ZNF30: variants seen among roughly 807,000 people sequenced by gnomAD.
The protein encoded by ZNF30 is zinc finger protein 30.
In ZNF30, 15 loss-of-function variants were observed where a neutral mutation model predicts 13.2. The observed-to-expected ratio is 1.13, with a 90% CI of 0.76 to 1.75. The LOEUF (loss-of-function observed/expected upper bound fraction) is 1.75. ZNF30 is among the 40% of genes most tolerant of loss of function. The pLI, the probability that ZNF30 is intolerant of heterozygous loss-of-function variation, is 0.00. For missense variants in ZNF30, 726 were observed against 757.0 expected, an observed-to-expected ratio of 0.96 and a Z score of 0.48; for synonymous variants, 223 against 256.6, an observed-to-expected ratio of 0.87 and a Z score of 1.25.
chr19:34,930,427 G>C (rs529344253), intron 2 of ZNF30, among the ~76,000 whole-genome samples: 18 of 152,306 alleles, frequency 1.2e-4, no homozygotes, highest in Admixed American at 9.2e-4. Flanking sequence ...ATTATGATGT[G>C]AAACATTGAT....
chr19:34,928,515 T>C (rs1160683431), intron 1 of ZNF30, among the ~76,000 whole-genome samples: 2 of 151,976 alleles, frequency 1.3e-5, no homozygotes, highest in Non-Finnish European at 2.9e-5. Context: ...AGTTGTTCTA[T>C]TTTATTATTA....
intron 4 of ZNF30, among the ~76,000 whole-genome samples, chr19:34,936,974 G>A (rs1158015696): frequency 6.6e-6 from 1 of 152,096 alleles, no homozygotes; most frequent in Non-Finnish European, 1.5e-5. Flanking sequence ...TCCCTTGAGA[G>A]TCAGTGCAGG....
chr19:34,943,759 T>A lies in ZNF30; in HGVS notation c.793T>A (p.Cys265Ser), dbSNP rs2013175650. 1 of 1,613,650 alleles carries A rather than the reference T, an allele frequency of 6.2e-7. No individual in the cohort carries two copies. The highest frequency in any genetic ancestry group is 1.3e-5 in the African/African-American group (1 of 74,836). ...TGAAAAACCCTTTGGGTGTGAGGAG[T>A]GTGGGAAGGCCTTCAGTACCTTTTC... The part of the protein sequence containing the change: ...TGEKPFGCEE[C>S]GKAFSTFSYL... Residue 265 changes from cysteine (C) to serine (S), a missense_variant, in exon 5 of 5, where the codon TGT (cysteine) becomes AGT (serine). Transcript: ENST00000601142.
At position 34,944,054 on chromosome 19, in the gene ZNF30, A is replaced by G. The variant is rs1219570940; in HGVS notation, c.1088A>G (p.Gln363Arg). 6.2e-7 allele frequency: 1 copy of G among 1,614,008 alleles called. No individual in the cohort carries two copies. Among genetic ancestry groups the G allele is most frequent in the East Asian group, 2.2e-5 (1 of 44,870 alleles). Reference protein sequence around the residue: ...FRLSSFLHAHQRIHAEIKPYG... With the variant: ...FRLSSFLHAHRRIHAEIKPYG... Reference sequence around the variant, plus strand: ...CTTAGTTCCTTCCTTCATGCACATCAGCGAATTCATGCAGAGATAAAGCCC... The same window carrying G: ...CTTAGTTCCTTCCTTCATGCACATCGGCGAATTCATGCAGAGATAAAGCCC... Residue 363 changes from glutamine (Q) to arginine (R), a missense_variant, in exon 5 of 5, where the codon CAG becomes CGG. Physicochemically the swap from Gln to Arg is conservative, Grantham distance 43. Coordinates refer to ENST00000601142, the MANE Select transcript of ZNF30 (RefSeq NM_194325.3).
Position 34,933,701 on chromosome 19 carries a change from A to G in ZNF30, c.234A>G (p.Lys78=). 1 of 1,585,976 alleles carries G rather than the reference A, an allele frequency of 6.3e-7. No individual in the cohort carries two copies. The highest frequency in any genetic ancestry group is 8.6e-7 in the Non-Finnish European group (1 of 1,165,390). ...AAGAGCCTGAAGTGACAGTGAGGAA[A>G]GATGGAAGAAGATGGTGCACAGGTG... ...QWKEPEVTVR[K]DGRRWCTDLQ... Residue 78 remains lysine, a synonymous_variant, in exon 4 of 5, where the codon AAA becomes AAG. Transcript: ENST00000601142.
intron 4 of ZNF30, among the ~76,000 whole-genome samples, chr19:34,934,984 C>T (rs139128730): frequency 0.041 from 6,238 of 152,182 alleles, 437 homozygotes; most frequent in African/African-American, 0.14. Flanking sequence ...AATCCCAGTA[C>T]TTTGGGAGGC....
chr19:34,944,553 G>A lies in ZNF30; in HGVS notation c.1587G>A (p.Gln529=). 3.1e-6 allele frequency: 5 copies of A among 1,614,128 alleles called. No individual in the cohort carries two copies. In the South Asian group the frequency reaches 3.3e-5, roughly 11 times the overall value. The change falls in exon 5 of 5, where the codon CAG becomes CAA. Residue 529 remains glutamine, a synonymous_variant. Transcript: ENST00000601142. The stretch of plus-strand genomic sequence containing the variant: ...TCAGTTCTGGCTCATACCTTGTTCA[G>A]CATCAAAGAATTCATACTGGGGAGA... The part of the protein sequence containing the change: ...KAFSSGSYLV[Q]HQRIHTGEKP...
intron 4 of ZNF30, among the ~76,000 whole-genome samples, chr19:34,941,696 G>A: frequency 6.6e-6 from 1 of 152,174 alleles, no homozygotes; most frequent in East Asian, 1.9e-4. Context: ...CCATCCTAAA[G>A]GCAGGTATTG....
At position 34,928,236 on chromosome 19, in the gene ZNF30, TATATATATATATATATATAGATAGATAG is replaced by T. The variant is rs1237175715; in HGVS notation, c.-65+1024_-65+1051del. On this transcript the variant is annotated intron_variant, in intron 1 of 4. Coordinates refer to ENST00000601142, the MANE Select transcript of ZNF30 (RefSeq NM_194325.3). ...AAAAAAAAAAATATATATATATATATATATATATATATATATATAGATAGATAGATAGATAGATACATAAATTAAATTA... is the reference window on the plus strand; with the variant it reads ...AAAAAAAAAAATATATATATATATATATAGATAGATACATAAATTAAATTA... Among the ~76,000 whole-genome samples the T allele has an allele frequency of 1.3e-3, 121 of 90,498 alleles. 3 individuals carry two copies. The highest frequency in any genetic ancestry group is 5.5e-3 in the Middle Eastern group (1 of 182). 59.4% of individuals were successfully genotyped at this position (90,498 alleles called of 152,430 possible). A position where few individuals can be genotyped will look rare whatever the true frequency, so the allele number is the denominator to read the frequency against.
intron 4 of ZNF30, among the ~76,000 whole-genome samples, chr19:34,934,389 G>A (rs1231953848): frequency 2.0e-5 from 3 of 152,130 alleles, no homozygotes; most frequent in Admixed American, 2.0e-4. Context: ...TCAGCCTCCT[G>A]AGTAGCTGGG....
intron 4 of ZNF30, among the ~76,000 whole-genome samples, chr19:34,939,185 T>A: frequency 1.2e-5 from 1 of 81,688 alleles, no homozygotes; most frequent in Non-Finnish European, 2.3e-5. Flanking sequence ...CTCCCTCCCC[T>A]ATCCTCTTTT....
At chr19:34,934,714 A>G (rs774039914) in intron 4 of ZNF30, among the ~76,000 whole-genome samples, 18 of 152,226 alleles carry the variant, frequency 1.2e-4, no homozygotes, top group Non-Finnish European at 5.9e-5. Context: ...ATTATGAGGC[A>G]GATACCTTTG....
chr19:34,938,638 G>C (rs1367950294), intron 4 of ZNF30, among the ~76,000 whole-genome samples: 1 of 152,086 alleles, frequency 6.6e-6, no homozygotes, highest in African/African-American at 2.4e-5. Flanking sequence ...AAGAATTAAG[G>C]ATATGATTCT....
In ZNF30 at chr19:34,943,598, A is replaced by G. The variant is rs1440116862; in HGVS notation, c.632A>G (p.Lys211Arg). 1.2e-6 allele frequency: 2 copies of G among 1,613,804 alleles called. No homozygotes were observed. The highest frequency in any genetic ancestry group is 4.5e-5 in the East Asian group (2 of 44,886). ...EKPLKCKQCG[K>R]TISGSYQLTV... ...CCACTCAAATGTAAGCAATGTGGAA[A>G]GACTATTAGTGGTAGCTATCAACTT... The change falls in exon 5 of 5, where the codon AAG becomes AGG. Residue 211 changes from lysine (K) to arginine (R), a missense_variant. Transcript: ENST00000601142.
chr19:34,943,937 C>T lies in ZNF30; in HGVS notation c.971C>T (p.Ser324Phe). Residue 324 changes from serine to phenylalanine, a missense_variant, in exon 5 of 5, where the codon TCC (serine) becomes TTC (phenylalanine). Coordinates refer to ENST00000601142, the MANE Select transcript of ZNF30 (RefSeq NM_194325.3). ...TATGAATGTAAGGAGTGTGGGAAGT[C>T]CTTCACTGTGTATGGACAGCTTACT... The part of the protein sequence containing the change: ...KPYECKECGK[S>F]FTVYGQLTRH... The T allele has an allele frequency of 1.9e-6, 3 of 1,614,052 alleles. No individual in the cohort carries two copies. Among genetic ancestry groups the T allele is most frequent in the Non-Finnish European group, 1.7e-6 (2 of 1,180,002 alleles).
chr19:34,942,810 T>C, intron 4 of ZNF30: 1 of 326,988 alleles, frequency 3.1e-6, no homozygotes. Context: ...ACATGGATTT[T>C]AATGTAAGCG....
At chr19:34,941,412 C>A (rs1451970967) in intron 4 of ZNF30, among the ~76,000 whole-genome samples, 1 of 152,146 alleles carries the variant, frequency 6.6e-6, no homozygotes, top group Admixed American at 6.5e-5. Context: ...TTACAAGTGC[C>A]CGCCACCATG....
Position 34,944,928 on chromosome 19 carries a change from G to A in ZNF30, c.*90G>A. On this transcript the variant is annotated 3_prime_UTR_variant, in exon 5 of 5. Coordinates refer to ENST00000601142, the MANE Select transcript of ZNF30 (RefSeq NM_194325.3). The stretch of plus-strand genomic sequence containing the variant: ...ATGCTGGTAGGAAACTTTCAAATGT[G>A]AAGAATATTGGCAGGTCTATTCTCA... 2 of 1,207,060 alleles carry A rather than the reference G, an allele frequency of 1.7e-6. No homozygotes were observed. Among genetic ancestry groups the A allele is most frequent in the Non-Finnish European group, 2.3e-6 (2 of 888,416 alleles). The allele number at this position is 1,207,060 out of a possible 1,614,324, so 74.8% of individuals were successfully genotyped here. A position where few individuals can be genotyped will look rare whatever the true frequency, so the allele number is the denominator to read the frequency against.
At chr19:34,942,288 CA>C (rs1307335418) in intron 4 of ZNF30, among the ~76,000 whole-genome samples, 1 of 151,580 alleles carries the variant, frequency 6.6e-6, no homozygotes, top group Non-Finnish European at 1.5e-5. Context: ...ATAAAAATTA[CA>C]AAAAAATTAG....
Sources: gnomAD v4.1 joint callset for allele counts (sites outside exome capture counted in the v4.1 genomes callset) on GRCh38, gnomAD v4.1.1 for gene constraint, MANE v1.5 for transcripts, NCBI Gene and HGNC (gene_info 2026-07-23, HGNC 2026-07-21) for gene names.